Variants in AKNA observed in about 807,000 individuals in gnomAD.
The protein encoded by AKNA is AT-hook transcription factor, also known as microtubule organization protein AKNA.
In AKNA, 67 loss-of-function variants were observed where a neutral mutation model predicts 138.8. That is an observed-to-expected ratio of 0.48 (90% CI 0.40 to 0.59). AKNA has a LOEUF of 0.59. AKNA is among the 20% of genes least tolerant of loss of function. The probability of loss-of-function intolerance (pLI) is 0.00; values close to 1 mark genes in which losing one functional copy is unlikely to be tolerated. For synonymous variants in AKNA, 737 were observed against 754.4 expected (o/e 0.98, Z 0.38); for missense variants, 1,813 against 1,880.4 (o/e 0.96, Z 0.66).
At chr9:114,354,754 A>G (rs538356795) in intron 14 of AKNA, among the ~76,000 whole-genome samples, 1 of 152,004 alleles carries the variant, frequency 6.6e-6, no homozygotes, top group East Asian at 1.9e-4. Context: ...TAAAATAAGT[A>G]GAAGAAATAC....
chr9:114,332,917 T>C, downstream of AKNA: 1 of 722,912 alleles, frequency 1.4e-6, no homozygotes, highest in Non-Finnish European at 2.3e-6. Flanking sequence ...TTGCCCAAGA[T>C]CACCCAGCTG....
At chr9:114,371,717 T>A (rs943058506) in intron 4 of AKNA, among the ~76,000 whole-genome samples, 7 of 152,144 alleles carry the variant, frequency 4.6e-5, no homozygotes, top group African/African-American at 1.7e-4. Context: ...TGGGTCCCCA[T>A]CCATTGCTGT....
rs982811938 is a variant in AKNA, at chr9:114,335,005, G to A, written c.*2049C>T. On this transcript the variant is annotated 3_prime_UTR_variant, in exon 22 of 22. Transcript: ENST00000374088. The stretch of plus-strand genomic sequence containing the variant: ...GGTCCCACAATGTCCTGGAACTGAA[G>A]GCTCAGAACCTACAGGAAGTTTGTC... 1.3e-5 allele frequency: 2 copies of A among 152,226 alleles called. No homozygotes were observed. Among genetic ancestry groups the A allele is most frequent in the Non-Finnish European group, 2.9e-5 (2 of 68,044 alleles). The allele number at this position is 152,226 out of a possible 1,614,324, so 9.4% of individuals were successfully genotyped here.
intron 2 of AKNA, among the ~76,000 whole-genome samples, chr9:114,380,746 C>T (rs907498915): frequency 6.7e-6 from 1 of 148,682 alleles, no homozygotes; most frequent in East Asian, 2.0e-4. Context: ...GAGGCCGAGG[C>T]GGGCGGATCA....
downstream of AKNA, among the ~76,000 whole-genome samples, chr9:114,332,164 G>A (rs1360873822): frequency 2.2e-4 from 33 of 151,864 alleles, no homozygotes; most frequent in Middle Eastern, 3.4e-3. Context: ...AAGCTAACAG[G>A]AGGGAACAGC....
At chr9:114,345,698 C>T in intron 18 of AKNA, 165 bp downstream of exon 18, 1 of 581,244 alleles carries the variant, frequency 1.7e-6, no homozygotes, top group Non-Finnish European at 2.9e-6. Context: ...AACAAGTGCA[C>T]CGAGATTCAT....
At chr9:114,394,689 T>C (rs1473174334), upstream of AKNA, among the ~76,000 whole-genome samples, 1 of 152,176 alleles carries the variant, frequency 6.6e-6, no homozygotes, top group Non-Finnish European at 1.5e-5. Flanking sequence ...ATTTAACAGA[T>C]GAAGAAAGGT....
rs767419484 is a variant in AKNA, at chr9:114,359,738, C to A, written c.2348G>T (p.Gly783Val). 6.2e-7 allele frequency: 1 copy of A among 1,604,392 alleles called. No individual in the cohort carries two copies. Among genetic ancestry groups the A allele is most frequent in the Non-Finnish European group, 8.5e-7 (1 of 1,175,160 alleles). ...CCCCTCTTCCTCCTCCTCCTCCTCT[C>A]CTTCTTCCTCCTCCTCCATTCTCAT... ...EAMRMEEEEE[G>V]EEEEEEEGGG... Residue 783 changes from glycine (G) to valine (V), a missense_variant, in exon 11 of 22, where the codon GGA (glycine) becomes GTA (valine). Transcript: ENST00000374088.
upstream of AKNA, chr9:114,398,361 T>A (rs1022705265): frequency 6.6e-6 from 1 of 151,136 alleles, no homozygotes; most frequent in African/African-American, 2.4e-5. This position sits in a 1 kb window ranked among gnomAD's most constrained non-coding sequence, Gnocchi z 4.2. Context: ...CCCTCCCCAT[T>A]CTCCCGACGG....
chr9:114,368,721 G>T, intron 4 of AKNA, 126 bp from the exon 5 acceptor site: 7 of 863,728 alleles, frequency 8.1e-6, no homozygotes, highest in Non-Finnish European at 1.1e-5. Flanking sequence ...TTTCAGTGCA[G>T]CCCTTGGCTA....
chr9:114,344,320 T>G (rs910293330), intron 18 of AKNA: 2 of 157,738 alleles, frequency 1.3e-5, no homozygotes, highest in Non-Finnish European at 2.8e-5. Context: ...CACAGGCTTG[T>G]TGGGAGAACT....
At chr9:114,351,626 A>G (rs181969212) in intron 14 of AKNA, among the ~76,000 whole-genome samples, 183 of 149,036 alleles carry the variant, frequency 1.2e-3, no homozygotes, top group African/African-American at 4.3e-3. Flanking sequence ...TAGCCTAGGT[A>G]ATATAGAAAG....
At chr9:114,348,837 C>T (rs909858372) in intron 15 of AKNA, 11 of 456,040 alleles carry the variant, frequency 2.4e-5, no homozygotes, top group South Asian at 4.6e-5. Flanking sequence ...GGCTCCACAT[C>T]TACTTGGTCT....
At chr9:114,372,405 TG>T (rs1377673781) in intron 4 of AKNA, among the ~76,000 whole-genome samples, 5 of 152,182 alleles carry the variant, frequency 3.3e-5, no homozygotes, top group Non-Finnish European at 2.9e-5. Flanking sequence ...TGCTCCCCCG[TG>T]TCCACCCCCG....
chr9:114,337,265 G>A lies in AKNA; in HGVS notation c.4109C>T (p.Ala1370Val). ...PAGPTSAQPA[A>V]KWPPTASPPP... ...GGGAGAGGCTGTGGGCGGCCACTTGGCAGCTGGTTGGGCTGAGGTAGGTCC... is the reference window on the plus strand; with the variant it reads ...GGGAGAGGCTGTGGGCGGCCACTTGACAGCTGGTTGGGCTGAGGTAGGTCC... Residue 1370 changes from alanine (A) to valine (V), a missense_variant, in exon 22 of 22, where the codon GCC becomes GTC. Transcript: ENST00000374088. 1 of 1,546,626 alleles carries A rather than the reference G, an allele frequency of 6.5e-7. No individual in the cohort carries two copies. Among genetic ancestry groups the A allele is most frequent in the African/African-American group, 1.4e-5 (1 of 73,280 alleles).
intron 5 of AKNA, 128 bp from the exon 6 acceptor site, chr9:114,367,825 A>C: frequency 1.9e-6 from 2 of 1,074,618 alleles, no homozygotes; most frequent in Non-Finnish European, 2.6e-6. Context: ...TGCGATCTTC[A>C]CATCAGCCCC....
chr9:114,337,349 T>G lies in AKNA; in HGVS notation c.4068-43A>C, dbSNP rs767534600. Reference sequence around the variant, plus strand: ...TGGGCTCGTTACACATGGGGAGGGCTGGGGACAAGCCGAGGAGCACCGTGT... The same window carrying G: ...TGGGCTCGTTACACATGGGGAGGGCGGGGGACAAGCCGAGGAGCACCGTGT... On this transcript the variant is annotated intron_variant, in intron 21 of 21. Transcript: ENST00000374088. 3.6e-6 allele frequency: 5 copies of G among 1,392,624 alleles called. No homozygotes were observed. In the African/African-American group the frequency reaches 5.8e-5, roughly 16 times the overall value. 86.3% of individuals were successfully genotyped at this position (1,392,624 alleles called of 1,614,324 possible). A position where few individuals can be genotyped will look rare whatever the true frequency, so the allele number is the denominator to read the frequency against.
chr9:114,395,715 C>T (rs1338505973), upstream of AKNA, among the ~76,000 whole-genome samples: 1 of 142,214 alleles, frequency 7.0e-6, no homozygotes, highest in Non-Finnish European at 1.5e-5. Flanking sequence ...TCCCCCAACA[C>T]CCTTCACCTG....
chr9:114,330,689 G>A (rs1829836146), downstream of AKNA: 2 of 1,600,466 alleles, frequency 1.2e-6, no homozygotes, highest in Non-Finnish European at 8.6e-7. Context: ...GGGAGGGTTG[G>A]CTTTAATCTC....
Sources: gnomAD v4.1 joint callset for allele counts (sites outside exome capture counted in the v4.1 genomes callset) on GRCh38, gnomAD v4.1.1 for gene constraint, Gnocchi (gnomAD v3.1) non-coding constraint, MANE v1.5 for transcripts, NCBI Gene and HGNC (gene_info 2026-07-23, HGNC 2026-07-21) for gene names.